The following CACNA1C variants were observed in gnomAD, a reference collection of about 807,000 sequenced individuals.
CACNA1C encodes calcium voltage-gated channel subunit alpha1 C.
In CACNA1C, 30 loss-of-function variants were observed where a neutral mutation model predicts 229.0. That is an observed-to-expected ratio of 0.13 (90% CI 0.10 to 0.18). The LOEUF (loss-of-function observed/expected upper bound fraction) is 0.18, where lower values mean the gene tolerates loss of function less well. Ranked by LOEUF, CACNA1C falls within the 10% of genes least tolerant of loss-of-function variation. The pLI is 1.00. For missense variants in CACNA1C, 1,658 were observed against 2,845.0 expected (o/e 0.58, Z 9.49); for synonymous variants, 1,114 against 1,132.5 (o/e 0.98, Z 0.33).
intron 3 of CACNA1C, among the ~76,000 whole-genome samples, chr12:2,235,572 T>A (rs539525248): frequency 6.6e-6 from 1 of 152,260 alleles, no homozygotes; most frequent in South Asian, 2.1e-4. Flanking sequence ...CTCTCCCACA[T>A]GCTGCCTTGC....
At chr12:2,305,497 G>A (rs1471138653) in intron 3 of CACNA1C, among the ~76,000 whole-genome samples, 1 of 152,172 alleles carries the variant, frequency 6.6e-6, no homozygotes, top group Non-Finnish European at 1.5e-5. Context: ...GGACATATTT[G>A]TGGAGGTCCA....
At chr12:2,448,920 TC>T in intron 3 of CACNA1C, 55 bp from the exon 4 acceptor site, 3 of 1,490,580 alleles carry the variant, frequency 2.0e-6, no homozygotes, top group Non-Finnish European at 2.8e-6. Context: ...TTCCAAACTT[TC>T]CAAATCCCCA....
intron 3 of CACNA1C, among the ~76,000 whole-genome samples, chr12:2,221,045 G>A (rs1438235736): frequency 3.9e-5 from 6 of 152,234 alleles, no homozygotes; most frequent in African/African-American, 1.4e-4. Context: ...CTGGGACCTG[G>A]AAGACAAGAA....
In CACNA1C at chr12:2,292,719, G is replaced by A. The variant is rs570558537; in HGVS notation, c.478-156257G>A. Among the ~76,000 whole-genome samples, 32 of 152,322 alleles carry A rather than the reference G, an allele frequency of 2.1e-4. No individual in the cohort carries two copies. The South Asian group carries it at 6.6e-3, about 32-fold the overall frequency. On this transcript the variant is annotated intron_variant, in intron 3 of 46. Transcript: ENST00000399655. ...TGAGTGTGTCTAAGGAAAGCTGCCA[G>A]CTTTAGGCGGCCTGGGGAGCTTCTA...
At chr12:2,123,375 CAAAAAAA>C (rs397761587) in intron 3 of CACNA1C, among the ~76,000 whole-genome samples, 3 of 72,996 alleles carry the variant, frequency 4.1e-5, no homozygotes, top group African/African-American at 1.6e-4. Context: ...GACTCCATCT[CAAAAAAA>C]AAAAAAAAAA....
chr12:2,539,920 C>T (rs995900525), intron 9 of CACNA1C, among the ~76,000 whole-genome samples: 1 of 152,152 alleles, frequency 6.6e-6, no homozygotes, highest in Non-Finnish European at 1.5e-5. Context: ...TACAGTACCC[C>T]AGGGTAGCAG....
chr12:2,043,642 CTTTTTTTTTT>C (rs67625680), intron 1 of CACNA1C, among the ~76,000 whole-genome samples: 4 of 91,382 alleles, frequency 4.4e-5, no homozygotes, highest in African/African-American at 1.9e-4. Context: ...ACAGAATATT[CTTTTTTTTTT>C]TTTTTTTTTT....
At chr12:2,310,440 G>A (rs1056073956) in intron 3 of CACNA1C, among the ~76,000 whole-genome samples, 3 of 151,900 alleles carry the variant, frequency 2.0e-5, no homozygotes, top group Non-Finnish European at 2.9e-5. Flanking sequence ...TGTGGGGGAG[G>A]CAAAATGACA....
At chr12:2,218,850 T>C (rs772271809) in intron 3 of CACNA1C, among the ~76,000 whole-genome samples, 3 of 152,218 alleles carry the variant, frequency 2.0e-5, no homozygotes, top group Non-Finnish European at 2.9e-5. Context: ...TGGCAGCTGC[T>C]GGCCAACGGT....
intron 30 of CACNA1C, among the ~76,000 whole-genome samples, chr12:2,638,526 T>G (rs1416600954): frequency 6.6e-6 from 1 of 152,080 alleles, no homozygotes; most frequent in Non-Finnish European, 1.5e-5. Context: ...CCCGACTGGT[T>G]TTTAAAGAGA....
In CACNA1C at chr12:1,971,752, C is replaced by T. The variant is rs936515048; in HGVS notation, c.139+551C>T. ...TTCTTATTAGCATGGTGCATTAGTTCATTTTGCATGTTCTTTGGGGATTTG... is the reference window on the plus strand; with the variant it reads ...TTCTTATTAGCATGGTGCATTAGTTTATTTTGCATGTTCTTTGGGGATTTG... On this transcript the variant is annotated intron_variant, in intron 1 of 46. Transcript: ENST00000682462. The surrounding 1 kb of genome is among the most constrained non-coding windows in gnomAD (Gnocchi z 4.2). Among the ~76,000 whole-genome samples, 2 of 152,182 alleles carry T rather than the reference C, an allele frequency of 1.3e-5. No individual in the cohort carries two copies. The highest frequency in any genetic ancestry group is 2.9e-5 in the Non-Finnish European group (2 of 68,028).
intron 3 of CACNA1C, among the ~76,000 whole-genome samples, chr12:2,254,473 C>T (rs529179534): frequency 2.0e-5 from 3 of 152,134 alleles, no homozygotes; most frequent in African/African-American, 7.2e-5. Flanking sequence ...AGTATGAGAA[C>T]GAAGGTGTGG....
chr12:2,288,670 C>G (rs1388059535), intron 3 of CACNA1C: 4 of 152,128 alleles, frequency 2.6e-5, no homozygotes, highest in African/African-American at 9.7e-5. Flanking sequence ...TCCCTCAGGA[C>G]CACCCACCGC....
chr12:2,685,139 C>T (rs1023860187), intron 43 of CACNA1C, among the ~76,000 whole-genome samples: 3 of 152,166 alleles, frequency 2.0e-5, no homozygotes, highest in Non-Finnish European at 2.9e-5. Flanking sequence ...TGTGTCTGTG[C>T]ATGATGAGAA....
chr12:2,073,396 A>G (rs1332624926), intron 1 of CACNA1C, among the ~76,000 whole-genome samples: 2 of 152,022 alleles, frequency 1.3e-5, no homozygotes, highest in Admixed American at 6.5e-5. Flanking sequence ...TCTCCCTTGT[A>G]TCTCTCCTTC....
rs558059407 is a variant in CACNA1C at position 2,633,506 on chromosome 12, C to T, written c.3829-791C>T. On this transcript the variant is annotated intron_variant, in intron 29 of 46. Coordinates refer to ENST00000399655, the MANE Select transcript of CACNA1C (RefSeq NM_000719.7). The surrounding 1 kb of genome is among the most constrained non-coding windows in gnomAD (Gnocchi z 5.8). ...CCTGGGCTCCTGGCCATGGTGAGGG[C>T]GTCCGGAACTCCAGAGGCAACACGG... The T allele has an allele frequency of 1.9e-5, 13 of 701,186 alleles. No individual in the cohort carries two copies. In the African/African-American group the frequency reaches 2.3e-4, roughly 13 times the overall value. 43.4% of individuals were successfully genotyped at this position (701,186 alleles called of 1,614,324 possible). A position where few individuals can be genotyped will look rare whatever the true frequency, so the allele number is the denominator to read the frequency against.
Position 2,512,786 on chromosome 12 carries a change from C to G in CACNA1C, c.1218-26C>G. The G allele has an allele frequency of 1.9e-6, 3 of 1,586,526 alleles. No individual in the cohort carries two copies. Among genetic ancestry groups the G allele is most frequent in the Non-Finnish European group, 1.7e-6 (2 of 1,164,470 alleles). On this transcript the variant is annotated intron_variant, in intron 8 of 46. Coordinates refer to ENST00000399655, the MANE Select transcript of CACNA1C (RefSeq NM_000719.7). The surrounding 1 kb of genome is among the most constrained non-coding windows in gnomAD (Gnocchi z 4.3). ...TCCCTCCTTCTCTGTGCTCTCCTGC[C>G]CTGCCCCTCCTCTCACTCTCACCAG...
At chr12:2,087,991 A>G (rs1041912868) in intron 1 of CACNA1C, among the ~76,000 whole-genome samples, 1 of 152,188 alleles carries the variant, frequency 6.6e-6, no homozygotes, top group African/African-American at 2.4e-5. Context: ...CTCATTCTGC[A>G]GGTTACTCAC....
At chr12:2,327,862 C>T (rs2096388673) in intron 3 of CACNA1C, among the ~76,000 whole-genome samples, 1 of 152,184 alleles carries the variant, frequency 6.6e-6, no homozygotes, top group African/African-American at 2.4e-5. Context: ...GGTGAAATCA[C>T]TGGGAGGTGA....
Sources: gnomAD v4.1 joint callset for allele counts (sites outside exome capture counted in the v4.1 genomes callset) on GRCh38, gnomAD v4.1.1 for gene constraint, Gnocchi (gnomAD v3.1) non-coding constraint, MANE v1.5 for transcripts, NCBI Gene and HGNC (gene_info 2026-07-23, HGNC 2026-07-21) for gene names.